The following SEMA6D variants were observed in gnomAD, a reference collection of about 807,000 sequenced individuals.
SEMA6D encodes the protein semaphorin-6D.
SEMA6D carries 35 observed loss-of-function variants against 106.6 expected under a neutral mutation model. The ratio of observed to expected loss-of-function variants is 0.33; its 90% CI spans 0.25 to 0.44. SEMA6D has a LOEUF of 0.44. Among genes scored for constraint, SEMA6D ranks in the 20% least tolerant of loss-of-function variants. The probability of loss-of-function intolerance (pLI) is 1.00; values close to 1 mark genes in which losing one functional copy is unlikely to be tolerated. For missense variants in SEMA6D, 1,185 were observed against 1,345.9 expected, an observed-to-expected ratio of 0.88 and a Z score of 1.87; for synonymous variants, 499 against 487.7, an observed-to-expected ratio of 1.02 and a Z score of -0.31.
intron 2 of SEMA6D, among the ~76,000 whole-genome samples, chr15:47,452,959 T>C (rs1496897): frequency 0.48 from 73,464 of 151,768 alleles, 19,189 homozygotes; most frequent in African/African-American, 0.7. Context: ...TTTTTATTTG[T>C]TTGTTTGTTT....
chr15:47,396,660 A>G (rs1813204), intron 1 of SEMA6D: 62,849 of 151,972 alleles, frequency 0.41, 13,227 homozygotes, highest in Middle Eastern at 0.56. Flanking sequence ...GCAGTTGATT[A>G]GCCCGTGCTC....
At chr15:47,685,744 A>G (rs1027028487) in intron 4 of SEMA6D, among the ~76,000 whole-genome samples, 1 of 152,150 alleles carries the variant, frequency 6.6e-6, no homozygotes, top group African/African-American at 2.4e-5. Flanking sequence ...GATCCTGGAG[A>G]CAGGTTGAAT....
intron 3 of SEMA6D, among the ~76,000 whole-genome samples, chr15:47,506,604 A>ACACACACACT (rs371898068): frequency 0.039 from 5,902 of 149,684 alleles, 366 homozygotes; most frequent in African/African-American, 0.14. Context: ...ACACAAACAC[A>ACACACACACT]CACACACACA....
chr15:47,534,673 A>C (rs1231590842), intron 3 of SEMA6D, among the ~76,000 whole-genome samples: 1 of 152,188 alleles, frequency 6.6e-6, no homozygotes, highest in Non-Finnish European at 1.5e-5. Context: ...TGGAGAGACT[A>C]CGTAATGCTT....
At chr15:47,750,966 G>A (rs1596988591) in intron 1 of SEMA6D, among the ~76,000 whole-genome samples, 1 of 152,298 alleles carries the variant, frequency 6.6e-6, no homozygotes, top group East Asian at 1.9e-4. Context: ...TACTTGGTGA[G>A]CCTGGAGGCA....
chr15:47,624,262 C>T (rs574075162), intron 4 of SEMA6D, among the ~76,000 whole-genome samples: 65 of 152,296 alleles, frequency 4.3e-4, no homozygotes, highest in African/African-American at 1.2e-3. Context: ...TGTTAGGAGC[C>T]GTACTTGCAT....
At chr15:47,531,776 A>G (rs1290532746) in intron 3 of SEMA6D, among the ~76,000 whole-genome samples, 1 of 152,182 alleles carries the variant, frequency 6.6e-6, no homozygotes, top group Admixed American at 6.6e-5. Context: ...CTCTTCCTGC[A>G]GTCTCCCCCA....
intron 4 of SEMA6D, among the ~76,000 whole-genome samples, chr15:47,653,281 T>C (rs1390998855): frequency 1.3e-5 from 2 of 152,236 alleles, no homozygotes; most frequent in Admixed American, 6.5e-5. Flanking sequence ...GCATGCTTAA[T>C]GTGTGATGGA....
chr15:47,281,125 G>T (rs375898662), intron 1 of SEMA6D, among the ~76,000 whole-genome samples: 1 of 96,608 alleles, frequency 1.0e-5, no homozygotes, highest in Admixed American at 1.2e-4. Flanking sequence ...GTTGACAGTG[G>T]GGTGTTAAAG....
chr15:47,564,614 C>T (rs1263711158), intron 3 of SEMA6D, among the ~76,000 whole-genome samples: 7 of 152,108 alleles, frequency 4.6e-5, no homozygotes, highest in Non-Finnish European at 4.4e-5. Flanking sequence ...TGTTTGATTA[C>T]AGGATGCTAG....
At chr15:47,404,511 C>T (rs543127276) in intron 1 of SEMA6D, among the ~76,000 whole-genome samples, 5 of 152,252 alleles carry the variant, frequency 3.3e-5, no homozygotes, top group African/African-American at 9.6e-5. Flanking sequence ...CTTTGTAGCA[C>T]AGACCACCAC....
chr15:47,623,670 G>C (rs182344816), intron 4 of SEMA6D, among the ~76,000 whole-genome samples: 1 of 152,080 alleles, frequency 6.6e-6, no homozygotes, highest in Non-Finnish European at 1.5e-5. Context: ...CATGGGAAAA[G>C]GTACGGATGT....
At chr15:47,273,045 T>C (rs1464951166) in intron 1 of SEMA6D, among the ~76,000 whole-genome samples, 6 of 152,212 alleles carry the variant, frequency 3.9e-5, no homozygotes, top group Admixed American at 3.9e-4. Context: ...TGACCTTCTT[T>C]ACTCGCCTGT....
chr15:47,688,616 C>G (rs374681803), intron 4 of SEMA6D, among the ~76,000 whole-genome samples: 44 of 152,224 alleles, frequency 2.9e-4, no homozygotes, highest in African/African-American at 9.4e-4. Flanking sequence ...AACCTTGAGA[C>G]TCTGATTCGC....
At chr15:47,316,173 A>G (rs1189704139) in intron 1 of SEMA6D, among the ~76,000 whole-genome samples, 3 of 133,166 alleles carry the variant, frequency 2.3e-5, no homozygotes, top group Middle Eastern at 0.01. Context: ...GCTCACTGCA[A>G]CCTCCACCTC....
At chr15:47,708,186 C>A (rs1252027553) in intron 4 of SEMA6D, among the ~76,000 whole-genome samples, 1 of 152,170 alleles carries the variant, frequency 6.6e-6, no homozygotes, top group Non-Finnish European at 1.5e-5. Flanking sequence ...CTAAAAAAAT[C>A]TGTCTTCTAA....
intron 1 of SEMA6D, among the ~76,000 whole-genome samples, chr15:47,257,290 T>C (rs778837099): frequency 5.9e-5 from 9 of 152,100 alleles, no homozygotes; most frequent in East Asian, 1.9e-4. Context: ...ATCTCCTGAC[T>C]TCGTGATCCA....
At chr15:47,391,529 C>T (rs2040031999) in intron 1 of SEMA6D, among the ~76,000 whole-genome samples, 1 of 152,114 alleles carries the variant, frequency 6.6e-6, no homozygotes, top group African/African-American at 2.4e-5. Flanking sequence ...ACTTCGGTTT[C>T]CAGTTGGCTG....
intron 1 of SEMA6D, among the ~76,000 whole-genome samples, chr15:47,376,057 T>C (rs1034153393): frequency 5.3e-5 from 8 of 152,232 alleles, no homozygotes; most frequent in Non-Finnish European, 1.2e-4. Context: ...GAGCTAGCAC[T>C]GTCTTCAAAC....
Sources: allele counts gnomAD v4.1 joint callset (sites outside exome capture counted in the v4.1 genomes callset), GRCh38; gene constraint gnomAD v4.1.1; transcripts MANE v1.5; gene names NCBI Gene and HGNC (gene_info 2026-07-23, HGNC 2026-07-21).